The following MCU variants were observed in gnomAD, a reference collection of about 807,000 sequenced individuals.
MCU encodes calcium uniporter protein, mitochondrial.
A neutral mutation model predicts 45.2 loss-of-function variants in MCU; 12 were observed. The ratio of observed to expected loss-of-function variants is 0.27; its 90% CI spans 0.17 to 0.43. The LOEUF (loss-of-function observed/expected upper bound fraction) is 0.43. Among genes scored for constraint, MCU ranks in the 20% least tolerant of loss-of-function variants. MCU has a pLI of 1.00. For missense variants in MCU, 324 were observed against 436.7 expected (o/e 0.74, Z 2.30); for synonymous variants, 160 against 165.1 (o/e 0.97, Z 0.24).
At chr10:72,874,493 G>A (rs753195006) in intron 6 of MCU, among the ~76,000 whole-genome samples, 33 of 152,140 alleles carry the variant, frequency 2.2e-4, no homozygotes, top group Admixed American at 7.2e-4. Context: ...TTGAACATAC[G>A]CATTTTCTTT....
rs572860584 is a variant in MCU, at chr10:72,709,610, CT to C, written c.150+17310del. ...TTTTTTTTCTTTTTTGAGGGGACCC[CT>C]AGGGTATACTTTGTGTGAGTATCTG... On this transcript the variant is annotated intron_variant, in intron 1 of 7. Transcript: ENST00000373053. 2.0e-3 allele frequency among the ~76,000 whole-genome samples: 310 copies of C among 151,894 alleles called. 1 individual carries two copies. Among genetic ancestry groups the C allele is most frequent in the African/African-American group, 6.7e-3 (277 of 41,424 alleles).
intron 1 of MCU, among the ~76,000 whole-genome samples, chr10:72,703,683 T>C (rs1842785264): frequency 6.6e-6 from 1 of 152,110 alleles, no homozygotes; most frequent in African/African-American, 2.4e-5. Flanking sequence ...GGCAGGCAGA[T>C]CACTTGAGGC....
At position 72,783,150 on chromosome 10, in the gene MCU, T is replaced by C. The variant is rs143636051; in HGVS notation, c.151-51209T>C. 5.9e-3 allele frequency among the ~76,000 whole-genome samples: 903 copies of C among 152,354 alleles called. 11 individuals are homozygous for C. Among genetic ancestry groups the C allele is most frequent in the African/African-American group, 0.02 (851 of 41,580 alleles). The stretch of plus-strand genomic sequence containing the variant: ...GTTTGAATGAAACCACCGCATTGTG[T>C]GTGCTCCACCTTGGTAGAGAATGTC... On this transcript the variant is annotated intron_variant, in intron 1 of 7. Transcript: ENST00000373053.
chr10:72,779,340 A>G (rs577856208), intron 1 of MCU, among the ~76,000 whole-genome samples: 5 of 152,346 alleles, frequency 3.3e-5, no homozygotes, highest in African/African-American at 1.2e-4. Flanking sequence ...CTCTGAAGAC[A>G]ACAGGTGTAA....
intron 6 of MCU, among the ~76,000 whole-genome samples, chr10:72,878,772 T>C (rs1442273072): frequency 1.3e-5 from 2 of 152,036 alleles, no homozygotes; most frequent in East Asian, 1.9e-4. Context: ...ATGTAAAATA[T>C]AGGAAAGGGT....
chr10:72,804,385 G>A (rs1398066205), intron 1 of MCU, among the ~76,000 whole-genome samples: 3 of 151,712 alleles, frequency 2.0e-5, no homozygotes, highest in Admixed American at 1.3e-4. Flanking sequence ...CATCACGCTC[G>A]GACAATTTAC....
At chr10:72,812,405 C>G (rs1844558607) in intron 1 of MCU, among the ~76,000 whole-genome samples, 1 of 152,202 alleles carries the variant, frequency 6.6e-6, no homozygotes, top group African/African-American at 2.4e-5. Context: ...CTCGGCTTCC[C>G]AAAGTGCTGG....
Position 72,859,158 on chromosome 10 carries a change from G to A in MCU, c.221-19G>A. 6.4e-7 allele frequency: 1 copy of A among 1,553,394 alleles called. No homozygotes were observed. The highest frequency in any genetic ancestry group is 8.7e-7 in the Non-Finnish European group (1 of 1,148,674). ...ATTGAAATCCAATTATCATATGTTT[G>A]TGGGTCTTTTTCATTCAGATGTTAC... On this transcript the variant is annotated intron_variant, in intron 2 of 7. Coordinates refer to ENST00000373053, the MANE Select transcript of MCU (RefSeq NM_138357.3).
At chr10:72,726,278 T>C (rs1843100905) in intron 1 of MCU, among the ~76,000 whole-genome samples, 1 of 150,044 alleles carries the variant, frequency 6.7e-6, no homozygotes, top group Admixed American at 6.6e-5. Flanking sequence ...TGTGTGTGTG[T>C]GTGTGTGTAG....
chr10:72,792,021 G>C (rs913377474), intron 1 of MCU, among the ~76,000 whole-genome samples: 1 of 152,140 alleles, frequency 6.6e-6, no homozygotes, highest in Non-Finnish European at 1.5e-5. Context: ...AAGTCTTTCA[G>C]TATCTCCATG....
chr10:72,874,156 A>G (rs1440102483), intron 6 of MCU, among the ~76,000 whole-genome samples: 1 of 152,138 alleles, frequency 6.6e-6, no homozygotes, highest in Admixed American at 6.6e-5. Flanking sequence ...GTATTTTGAT[A>G]GGGAATGCAT....
At chr10:72,695,484 C>T (rs758547410) in intron 1 of MCU, among the ~76,000 whole-genome samples, 3 of 152,184 alleles carry the variant, frequency 2.0e-5, no homozygotes, top group African/African-American at 7.2e-5. Flanking sequence ...CTGTCCCATA[C>T]ATTCATACTA....
chr10:72,719,401 C>T (rs1012707475), intron 1 of MCU, among the ~76,000 whole-genome samples: 3 of 152,204 alleles, frequency 2.0e-5, no homozygotes, highest in African/African-American at 7.2e-5. Flanking sequence ...AGAAGGACAT[C>T]TTTTCCTTTT....
intron 1 of MCU, among the ~76,000 whole-genome samples, chr10:72,726,256 CGTGTGTGT>C (rs60826955): frequency 0.035 from 5,065 of 145,608 alleles, 289 homozygotes; most frequent in African/African-American, 0.12. Context: ...CACACACACA[CGTGTGTGT>C]GTGTGTGTGT....
chr10:72,878,336 G>A (rs11000433), intron 6 of MCU, among the ~76,000 whole-genome samples: 2,849 of 151,792 alleles, frequency 0.019, 50 homozygotes, highest in Middle Eastern at 0.055. Context: ...CACTCTGACC[G>A]GTCTCAAACT....
intron 1 of MCU, among the ~76,000 whole-genome samples, chr10:72,735,273 G>T (rs1314680264): frequency 2.0e-5 from 3 of 151,944 alleles, no homozygotes; most frequent in African/African-American, 7.3e-5. Context: ...TTTTTTTTCA[G>T]ACTAGAGATT....
intron 1 of MCU, among the ~76,000 whole-genome samples, chr10:72,693,405 G>C (rs1842649890): frequency 6.6e-6 from 1 of 152,090 alleles, no homozygotes; most frequent in Non-Finnish European, 1.5e-5. Context: ...ATTATTGGAG[G>C]ATCACTGCAA....
At chr10:72,780,378 A>G (rs1049811864) in intron 1 of MCU, among the ~76,000 whole-genome samples, 2 of 152,194 alleles carry the variant, frequency 1.3e-5, no homozygotes, top group Non-Finnish European at 2.9e-5. Flanking sequence ...ACTTAATTGT[A>G]CATTTTAAAA....
chr10:72,857,233 G>A (rs1335353300), intron 2 of MCU, among the ~76,000 whole-genome samples: 1 of 150,042 alleles, frequency 6.7e-6, no homozygotes, highest in Non-Finnish European at 1.5e-5. Flanking sequence ...CTGTGAGTTA[G>A]GGATTAAACC....
Sources: allele counts gnomAD v4.1 joint callset (sites outside exome capture counted in the v4.1 genomes callset), GRCh38; gene constraint gnomAD v4.1.1; transcripts MANE v1.5; gene names NCBI Gene and HGNC (gene_info 2026-07-23, HGNC 2026-07-21).